Variants in NRSN1 observed in about 807,000 individuals in gnomAD.
NRSN1 encodes the protein neurensin 1.
In NRSN1, 14 loss-of-function variants were observed where a neutral mutation model predicts 17.3. That is an observed-to-expected ratio of 0.81 (90% CI 0.54 to 1.27). The LOEUF is 1.27. Among genes scored for constraint, NRSN1 ranks in the 50% most tolerant of loss-of-function variants. The pLI, the probability that NRSN1 is intolerant of heterozygous loss-of-function variation, is 0.00. For missense variants in NRSN1, 209 were observed against 235.9 expected, an observed-to-expected ratio of 0.89 and a Z score of 0.75; for synonymous variants, 79 against 94.2, an observed-to-expected ratio of 0.84 and a Z score of 0.93.
intron 3 of NRSN1, among the ~76,000 whole-genome samples, chr6:24,135,134 G>A (rs745707784): frequency 6.6e-6 from 1 of 152,170 alleles, no homozygotes; most frequent in Non-Finnish European, 1.5e-5. Context: ...AAGAAAAAGT[G>A]ACTTCCCTCA....
chr6:24,146,066 C>A lies in NRSN1; in HGVS notation c.*120C>A. The A allele has an allele frequency of 1.9e-6, 2 of 1,037,832 alleles. No individual in the cohort carries two copies. The highest frequency in any genetic ancestry group is 3.0e-6 in the Non-Finnish European group (2 of 660,970). The allele number at this position is 1,037,832 out of a possible 1,614,324, so 64.3% of individuals were successfully genotyped here. On this transcript the variant is annotated 3_prime_UTR_variant, in exon 4 of 4. Coordinates refer to ENST00000378491, the MANE Select transcript of NRSN1 (RefSeq NM_080723.5). ...CCCTAGGGCTGTGTTCAGCTGTGGGCAATATAATGGGTGGACTCACACTTG... is the reference window on the plus strand; with the variant it reads ...CCCTAGGGCTGTGTTCAGCTGTGGGAAATATAATGGGTGGACTCACACTTG...
chr6:24,145,102 C>A lies in NRSN1; in HGVS notation c.190-446C>A, dbSNP rs1760280231. On this transcript the variant is annotated intron_variant, in intron 3 of 3. Coordinates refer to ENST00000378491, the MANE Select transcript of NRSN1 (RefSeq NM_080723.5). The surrounding 1 kb of genome is among the most constrained non-coding windows in gnomAD (Gnocchi z 4.4). Reference sequence around the variant, plus strand: ...TATATATTATATATTTTATATATATCTTTAGATATATATATAATATACATA... The same window carrying A: ...TATATATTATATATTTTATATATATATTTAGATATATATATAATATACATA... Among the ~76,000 whole-genome samples, 2 of 138,576 alleles carry A rather than the reference C, an allele frequency of 1.4e-5. No homozygotes were observed. Among genetic ancestry groups the A allele is most frequent in the Non-Finnish European group, 1.5e-5 (1 of 65,014 alleles). 90.9% of individuals were successfully genotyped at this position (138,576 alleles called of 152,430 possible).
intron 2 of NRSN1, chr6:24,129,483 A>G (rs532355557): frequency 6.6e-6 from 1 of 152,334 alleles, no homozygotes; most frequent in East Asian, 1.9e-4. Flanking sequence ...CTTACACTCT[A>G]TCATGTATAT....
Position 24,132,072 on chromosome 6 carries a change from T to G in NRSN1, c.-9-2247T>G, listed in dbSNP as rs527331765. The stretch of plus-strand genomic sequence containing the variant: ...CACAGGAGCTAACAGTTAGTTGGTT[T>G]TAATTGACCAACAGCTAAAAAGATG... On this transcript the variant is annotated intron_variant, in intron 2 of 3. Coordinates refer to ENST00000378491, the MANE Select transcript of NRSN1 (RefSeq NM_080723.5). Among the ~76,000 whole-genome samples, 8 of 152,314 alleles carry G rather than the reference T, an allele frequency of 5.3e-5. No individual in the cohort carries two copies. In the South Asian group the frequency reaches 1.7e-3, roughly 32 times the overall value.
At position 24,146,080 on chromosome 6, in the gene NRSN1, G is replaced by T. The variant is rs1350797817; in HGVS notation, c.*134G>T. ...TCAGCTGTGGGCAATATAATGGGTGGACTCACACTTGCTCAGTTCAGGCAG... is the reference window on the plus strand; with the variant it reads ...TCAGCTGTGGGCAATATAATGGGTGTACTCACACTTGCTCAGTTCAGGCAG... On this transcript the variant is annotated 3_prime_UTR_variant, in exon 4 of 4. Transcript: ENST00000378491. 14 of 928,354 alleles carry T rather than the reference G, an allele frequency of 1.5e-5. No individual in the cohort carries two copies. Among genetic ancestry groups the T allele is most frequent in the Non-Finnish European group, 2.5e-5 (14 of 564,366 alleles). 57.5% of individuals were successfully genotyped at this position (928,354 alleles called of 1,614,324 possible).
chr6:24,143,430 T>C (rs1760253616), intron 3 of NRSN1, among the ~76,000 whole-genome samples: 1 of 152,252 alleles, frequency 6.6e-6, no homozygotes, highest in South Asian at 2.1e-4. Context: ...TCATAATAGA[T>C]GTTCAATAAT....
chr6:24,143,450 AC>A (rs1760254176), intron 3 of NRSN1, among the ~76,000 whole-genome samples: 2 of 152,204 alleles, frequency 1.3e-5, no homozygotes, highest in African/African-American at 2.4e-5. Context: ...TACCAGTTAT[AC>A]TTTTCCCATT....
At chr6:24,133,054 T>A (rs1416697157) in intron 2 of NRSN1, among the ~76,000 whole-genome samples, 2 of 151,754 alleles carry the variant, frequency 1.3e-5, no homozygotes, top group East Asian at 1.9e-4. Flanking sequence ...TTCTTTTTTT[T>A]AACCATGATT....
In NRSN1 at chr6:24,134,433, G is replaced by A; in HGVS notation, c.106G>A (p.Asp36Asn). ...GTCCTACCTGCACCAGTTTTATGAGGACTGTACAGCCTCAATTTGGGAGTA... is the reference window on the plus strand; with the variant it reads ...GTCCTACCTGCACCAGTTTTATGAGAACTGTACAGCCTCAATTTGGGAGTA... ...VRSYLHQFYE[D>N]CTASIWEYED... Residue 36 changes from aspartate to asparagine, a missense_variant, in exon 3 of 4, where the codon GAC (aspartate) becomes AAC (asparagine). Asp to Asn is a conservative substitution (Grantham distance 23). Coordinates refer to ENST00000378491, the MANE Select transcript of NRSN1 (RefSeq NM_080723.5). 1.9e-6 allele frequency: 3 copies of A among 1,614,096 alleles called. No individual in the cohort carries two copies. In the South Asian group the frequency reaches 3.3e-5, roughly 18 times the overall value.
intron 2 of NRSN1, among the ~76,000 whole-genome samples, chr6:24,132,911 A>G (rs1051548195): frequency 1.4e-4 from 21 of 152,316 alleles, no homozygotes; most frequent in Middle Eastern, 3.4e-3. Context: ...ATCTGTGTAC[A>G]GGATAATTTA....
In NRSN1 at chr6:24,145,416, T is replaced by A. The variant is rs980415438; in HGVS notation, c.190-132T>A. The stretch of plus-strand genomic sequence containing the variant: ...TTCAACAGAAAATTAAGTAAGTGTT[T>A]CCTGCAAATTTGGGGTAACTGGGAA... On this transcript the variant is annotated intron_variant, in intron 3 of 3. Coordinates refer to ENST00000378491, the MANE Select transcript of NRSN1 (RefSeq NM_080723.5). This position sits in a 1 kb window ranked among gnomAD's most constrained non-coding sequence, Gnocchi z 4.4. 1.6e-6 allele frequency: 1 copy of A among 624,428 alleles called. No individual in the cohort carries two copies. The highest frequency in any genetic ancestry group is 2.9e-5 in the East Asian group (1 of 34,558). 38.7% of individuals were successfully genotyped at this position (624,428 alleles called of 1,614,324 possible).
intron 2 of NRSN1, among the ~76,000 whole-genome samples, chr6:24,131,941 T>A (rs1760036888): frequency 6.6e-6 from 1 of 152,158 alleles, no homozygotes. Context: ...TGTGTTCGTG[T>A]GTGGGGGAGT....
chr6:24,134,041 T>TGTGTGTGTG (rs1491411832), intron 2 of NRSN1, among the ~76,000 whole-genome samples: 23 of 150,954 alleles, frequency 1.5e-4, no homozygotes, highest in South Asian at 2.1e-4. Flanking sequence ...TGTGTGTGTG[T>TGTGTGTGTG]TTTTAGTAGA....
At chr6:24,139,629 G>T (rs562087685) in intron 3 of NRSN1, among the ~76,000 whole-genome samples, 11 of 152,186 alleles carry the variant, frequency 7.2e-5, no homozygotes, top group Admixed American at 2.0e-4. Flanking sequence ...CAGAAATATG[G>T]TCTAGAGCTC....
rs1561867170 is a variant in NRSN1, at chr6:24,139,508, G to A, written c.189+4992G>A. Among the ~76,000 whole-genome samples the A allele has an allele frequency of 5.3e-5, 8 of 152,192 alleles. No homozygotes were observed. In the South Asian group the frequency reaches 1.7e-3, roughly 31 times the overall value. ...GGAACAATTTCACGAATGGGTGGAT[G>A]GGAAGAACGCAAATAGAGAAAATGG... is the stretch of plus-strand genomic sequence containing the variant. On this transcript the variant is annotated intron_variant, in intron 3 of 3. Coordinates refer to ENST00000378491, the MANE Select transcript of NRSN1 (RefSeq NM_080723.5).
intron 2 of NRSN1, chr6:24,129,139 T>C (rs1413502924): frequency 6.6e-6 from 1 of 152,246 alleles, no homozygotes; most frequent in East Asian, 1.9e-4. Context: ...GTTTCCCTAA[T>C]ACAGGAATTA....
intron 3 of NRSN1, among the ~76,000 whole-genome samples, chr6:24,143,142 T>A (rs1415516898): frequency 6.6e-6 from 1 of 152,106 alleles, no homozygotes; most frequent in East Asian, 1.9e-4. Flanking sequence ...GTGTTTACAA[T>A]CCTTTAGCTA....
At position 24,140,234 on chromosome 6, in the gene NRSN1, A is replaced by G. The variant is rs182424349; in HGVS notation, c.190-5314A>G. On this transcript the variant is annotated intron_variant, in intron 3 of 3. Coordinates refer to ENST00000378491, the MANE Select transcript of NRSN1 (RefSeq NM_080723.5). Reference sequence around the variant, plus strand: ...AGCGTGGCTGTCAAGGGTAGAACGGACATTGAGGAGTAGGAAGAAAGGGAC... The same window carrying G: ...AGCGTGGCTGTCAAGGGTAGAACGGGCATTGAGGAGTAGGAAGAAAGGGAC... Among the ~76,000 whole-genome samples the G allele has an allele frequency of 2.2e-3, 334 of 152,276 alleles. 3 individuals carry two copies. Among genetic ancestry groups the G allele is most frequent in the African/African-American group, 7.5e-3 (310 of 41,540 alleles).
intron 3 of NRSN1, among the ~76,000 whole-genome samples, chr6:24,137,097 T>C (rs1760128480): frequency 6.6e-6 from 1 of 152,228 alleles, no homozygotes; most frequent in African/African-American, 2.4e-5. Context: ...AATTGCTGGC[T>C]TCTCCTTTCC....
Sources: gnomAD v4.1 joint callset for allele counts (sites outside exome capture counted in the v4.1 genomes callset) on GRCh38, gnomAD v4.1.1 for gene constraint, Gnocchi (gnomAD v3.1) non-coding constraint, MANE v1.5 for transcripts, NCBI Gene and HGNC (gene_info 2026-07-23, HGNC 2026-07-21) for gene names.